Variants in RBFOX1 observed in about 807,000 individuals in gnomAD.
The protein encoded by RBFOX1 is RNA binding protein fox-1 homolog 1.
In RBFOX1, 8 loss-of-function variants were observed where a neutral mutation model predicts 57.7. The ratio of observed to expected loss-of-function variants is 0.14; its 90% confidence interval spans 0.08 to 0.25. The LOEUF (loss-of-function observed/expected upper bound fraction) is 0.25, where lower values mean the gene tolerates loss of function less well. RBFOX1 is among the 10% of genes least tolerant of loss of function. The pLI, the probability that RBFOX1 is intolerant of heterozygous loss-of-function variation, is 1.00. For missense variants in RBFOX1, 611 were observed against 548.5 expected (o/e 1.11, Z -1.14); for synonymous variants, 326 against 222.4 (o/e 1.47, Z -4.15).
chr16:5,814,230 G>GA (rs2055538853), intron 3 of RBFOX1, among the ~76,000 whole-genome samples: 1 of 152,156 alleles, frequency 6.6e-6, no homozygotes, highest in South Asian at 2.1e-4. Flanking sequence ...AGCCTTAGCT[G>GA]AAGTGCCTTT....
At chr16:7,016,449 C>T (rs377257216) in intron 3 of RBFOX1, among the ~76,000 whole-genome samples, 4 of 152,142 alleles carry the variant, frequency 2.6e-5, no homozygotes, top group African/African-American at 4.8e-5. Flanking sequence ...GCTCATGTTT[C>T]TCACTTGTTT....
intron 4 of RBFOX1, among the ~76,000 whole-genome samples, chr16:7,114,059 C>T (rs2065350891): frequency 6.6e-6 from 1 of 152,182 alleles, no homozygotes; most frequent in South Asian, 2.1e-4. Context: ...ACTGTCACCT[C>T]ATATTTGGCA....
rs551759808 is a variant in RBFOX1 at position 5,628,699 on chromosome 16, T to C, written c.318+29738T>C. On this transcript the variant is annotated intron_variant, in intron 3 of 19. Transcript: ENST00000641259. ...AGCCTTGCTATTACAGTCCTTGATATCAAGCCAGGGTTGACATAGCAGTCT... is the reference window on the plus strand; with the variant it reads ...AGCCTTGCTATTACAGTCCTTGATACCAAGCCAGGGTTGACATAGCAGTCT... Among the ~76,000 whole-genome samples, 346 of 152,316 alleles carry C rather than the reference T, an allele frequency of 2.3e-3. 1 individual carries two copies. Among genetic ancestry groups the C allele is most frequent in the Non-Finnish European group, 4.0e-3 (273 of 68,032 alleles).
At chr16:5,951,588 T>G (rs2059521220) in intron 4 of RBFOX1, among the ~76,000 whole-genome samples, 1 of 152,112 alleles carries the variant, frequency 6.6e-6, no homozygotes, top group South Asian at 2.1e-4. Context: ...TATATGCAGA[T>G]GTTGGAGCGT....
chr16:5,784,065 T>A (rs1024800217), intron 3 of RBFOX1, among the ~76,000 whole-genome samples: 1 of 152,186 alleles, frequency 6.6e-6, no homozygotes, highest in African/African-American at 2.4e-5. Context: ...ACGGGAAGCA[T>A]AGAGGCCTCT....
At chr16:6,536,405 C>T (rs942523975) in intron 2 of RBFOX1, among the ~76,000 whole-genome samples, 1 of 152,124 alleles carries the variant, frequency 6.6e-6, no homozygotes, top group Admixed American at 6.5e-5. Context: ...AATTTCTGTC[C>T]CCTATTGTCC....
At chr16:7,044,494 C>T (rs1206737745) in intron 3 of RBFOX1, among the ~76,000 whole-genome samples, 1 of 152,160 alleles carries the variant, frequency 6.6e-6, no homozygotes, top group Non-Finnish European at 1.5e-5. Context: ...TGCTATTAAA[C>T]ATCTCGTTCA....
chr16:6,174,244 A>G (rs767750992), intron 1 of RBFOX1, among the ~76,000 whole-genome samples: 16 of 152,152 alleles, frequency 1.1e-4, no homozygotes, highest in Admixed American at 8.5e-4. Context: ...TCAATACCTC[A>G]TTGTCCTCAC....
chr16:7,404,533 A>C (rs377626400), intron 4 of RBFOX1, among the ~76,000 whole-genome samples: 96 of 152,270 alleles, frequency 6.3e-4, no homozygotes, highest in African/African-American at 2.1e-3. Flanking sequence ...AGGTGCTATT[A>C]TCATTTCTGC....
chr16:5,968,042 A>T (rs548962500), intron 4 of RBFOX1, among the ~76,000 whole-genome samples: 1 of 152,150 alleles, frequency 6.6e-6, no homozygotes, highest in African/African-American at 2.4e-5. Flanking sequence ...CATCTGTCTG[A>T]CCATTTTGAC....
intron 4 of RBFOX1, among the ~76,000 whole-genome samples, chr16:7,465,309 TG>T (rs1414298154): frequency 2.0e-5 from 3 of 152,246 alleles, no homozygotes; most frequent in Non-Finnish European, 4.4e-5. Flanking sequence ...TTTTCTGGCC[TG>T]CCTTCTCGTG....
At chr16:6,741,015 T>A (rs1384627096) in intron 3 of RBFOX1, among the ~76,000 whole-genome samples, 1 of 152,160 alleles carries the variant, frequency 6.6e-6, no homozygotes. Flanking sequence ...TTTGCTTAGA[T>A]GTAGACACCT....
At chr16:6,429,749 T>C (rs2094025201) in intron 2 of RBFOX1, among the ~76,000 whole-genome samples, 1 of 152,222 alleles carries the variant, frequency 6.6e-6, no homozygotes, top group Admixed American at 6.5e-5. Flanking sequence ...TCTTGCCTGC[T>C]GCCATGTAAG....
At chr16:6,325,091 C>T (rs1334395612) in intron 2 of RBFOX1, among the ~76,000 whole-genome samples, 1 of 152,104 alleles carries the variant, frequency 6.6e-6, no homozygotes, top group Non-Finnish European at 1.5e-5. Flanking sequence ...CATGGTGGCT[C>T]ATGCTTATAA....
chr16:6,319,841 T>C (rs555140988), intron 2 of RBFOX1, among the ~76,000 whole-genome samples: 1 of 152,342 alleles, frequency 6.6e-6, no homozygotes, highest in South Asian at 2.1e-4. Flanking sequence ...AGAGGTTTCC[T>C]TGATCTCTAT....
intron 3 of RBFOX1, among the ~76,000 whole-genome samples, chr16:6,842,978 A>G (rs1240134254): frequency 6.6e-6 from 1 of 152,064 alleles, no homozygotes; most frequent in Non-Finnish European, 1.5e-5. Flanking sequence ...AGGTTCATCC[A>G]TGTCCTTGCA....
chr16:6,383,549 C>A (rs188390139), intron 2 of RBFOX1, among the ~76,000 whole-genome samples: 64 of 152,046 alleles, frequency 4.2e-4, no homozygotes, highest in African/African-American at 1.4e-3. Context: ...CTGAGGTGGG[C>A]GGATCACAAG....
intron 1 of RBFOX1, among the ~76,000 whole-genome samples, chr16:5,321,124 C>G (rs1411603541): frequency 2.0e-5 from 3 of 152,178 alleles, no homozygotes; most frequent in African/African-American, 7.2e-5. Flanking sequence ...GTTTCCCAAG[C>G]TCAGTACTAT....
chr16:5,831,990 G>C (rs2056290898), intron 3 of RBFOX1, among the ~76,000 whole-genome samples: 1 of 152,170 alleles, frequency 6.6e-6, no homozygotes, highest in Admixed American at 6.5e-5. Context: ...GCAGATGTTA[G>C]CACTTTCATC....
Sources: gnomAD v4.1 joint callset for allele counts (sites outside exome capture counted in the v4.1 genomes callset) on GRCh38, gnomAD v4.1.1 for gene constraint, MANE v1.5 for transcripts, NCBI Gene and HGNC (gene_info 2026-07-23, HGNC 2026-07-21) for gene names.